Variants in AHRR observed in about 807,000 individuals in gnomAD.
AHRR encodes the protein ahR repressor.
A neutral mutation model predicts 44.0 loss-of-function variants in AHRR; 28 were observed. That is an observed-to-expected ratio of 0.64 (90% confidence interval 0.47 to 0.87). The LOEUF is 0.87. Among genes scored for constraint, AHRR ranks in the 40% least tolerant of loss-of-function variants. The pLI is 0.00. For missense variants in AHRR, 990 were observed against 953.9 expected, an observed-to-expected ratio of 1.04 and a Z score of -0.50; for synonymous variants, 434 against 407.0, an observed-to-expected ratio of 1.07 and a Z score of -0.80.
chr5:430,978 G>A (rs1386723853), intron 8 of AHRR, among the ~76,000 whole-genome samples: 1 of 152,220 alleles, frequency 6.6e-6, no homozygotes, highest in Admixed American at 6.5e-5. Context: ...GTCTCTGCAG[G>A]GCTCGGGCCC....
At chr5:351,840 C>T (rs1044072351) in intron 2 of AHRR, among the ~76,000 whole-genome samples, 4 of 152,218 alleles carry the variant, frequency 2.6e-5, no homozygotes, top group South Asian at 2.1e-4. Flanking sequence ...GAGTTTGTGC[C>T]GCAGAGTTCC....
chr5:403,359 G>A (rs1030196477), intron 4 of AHRR, among the ~76,000 whole-genome samples: 6 of 152,144 alleles, frequency 3.9e-5, no homozygotes, highest in East Asian at 1.9e-4. Flanking sequence ...CACTTAGGTC[G>A]GGTGCAGTGG....
chr5:325,266 G>T (rs939054836), intron 1 of AHRR, among the ~76,000 whole-genome samples: 1 of 152,196 alleles, frequency 6.6e-6, no homozygotes, highest in Non-Finnish European at 1.5e-5. Flanking sequence ...TGGTGCCTGG[G>T]CTCAGGGTCT....
intron 3 of AHRR, 59 bp from the exon 4 acceptor site, chr5:376,551 A>C: frequency 7.1e-7 from 1 of 1,401,306 alleles, no homozygotes; most frequent in Non-Finnish European, 9.6e-7. Context: ...GATGTGAATG[A>C]AGAAGAGTGG....
chr5:326,497 A>C lies in AHRR; in HGVS notation c.-11+4678A>C, dbSNP rs1291856276. 6.6e-6 allele frequency among the ~76,000 whole-genome samples: 1 copy of C among 152,198 alleles called. No homozygotes were observed. Among genetic ancestry groups the C allele is most frequent in the Non-Finnish European group, 1.5e-5 (1 of 68,042 alleles). On this transcript the variant is annotated intron_variant, in intron 1 of 10. Transcript: ENST00000684583. The surrounding 1 kb of genome is among the most constrained non-coding windows in gnomAD (Gnocchi z 4.1). ...TGTTTACTGATCCCTCAGCTGATGG[A>C]CATTTAGGTTGTTTACATTTTTTGG...
At chr5:415,406 CGGGTGGG>C (rs1735704929) in intron 5 of AHRR, among the ~76,000 whole-genome samples, 1 of 73,760 alleles carries the variant, frequency 1.4e-5, no homozygotes, top group Non-Finnish European at 3.0e-5. Context: ...TCTGCCTGGT[CGGGTGGG>C]AGGCCTAGGG....
rs759251139 is a variant in AHRR, at chr5:434,170, A to C, written c.1430A>C (p.His477Pro). The change falls in exon 11 of 11, where the codon CAC becomes CCC. Residue 477 changes from histidine to proline, a missense_variant. By Grantham distance (77) the His-to-Pro change is moderately conservative. Coordinates refer to ENST00000684583, the MANE Select transcript of AHRR (RefSeq NM_001377236.1). Reference protein sequence around the residue: ...PMRDVGEDQVHPPLCHFPQRS... With the variant: ...PMRDVGEDQVPPPLCHFPQRS... ...CGGGATGTCGGTGAGGACCAGGTGC[A>C]CCCTCCCCTCTGCCACTTTCCCCAG... The C allele has an allele frequency of 6.3e-7, 1 of 1,599,220 alleles. No homozygotes were observed. Among genetic ancestry groups the C allele is most frequent in the East Asian group, 2.2e-5 (1 of 44,748 alleles).
intron 3 of AHRR, among the ~76,000 whole-genome samples, chr5:368,484 C>T (rs890119273): frequency 2.6e-5 from 4 of 152,246 alleles, no homozygotes; most frequent in African/African-American, 9.6e-5. Context: ...CTTGGCTTGT[C>T]CCTGCTGTGC....
Position 432,457 on chromosome 5 carries a change from T to G in AHRR, c.909-6T>G. 6.2e-7 allele frequency: 1 copy of G among 1,613,816 alleles called. No homozygotes were observed. Among genetic ancestry groups the G allele is most frequent in the Admixed American group, 1.7e-5 (1 of 60,032 alleles). ...CATGTCACATGTTCATCTGTGTTCT[T>G]CACAGAGTAAAAGCCACCACCAGTC... On this transcript the variant is annotated splice_polypyrimidine_tract_variant and splice_region_variant and intron_variant, in intron 8 of 10. Coordinates refer to ENST00000684583, the MANE Select transcript of AHRR (RefSeq NM_001377236.1).
At chr5:394,776 C>T (rs575746952) in intron 4 of AHRR, among the ~76,000 whole-genome samples, 39 of 152,290 alleles carry the variant, frequency 2.6e-4, no homozygotes, top group African/African-American at 7.9e-4. Context: ...GCCCTGGTTG[C>T]GTGGAGGGCA....
chr5:433,924 G>T lies in AHRR; in HGVS notation c.1184G>T (p.Gly395Val). 1 of 1,535,664 alleles carries T rather than the reference G, an allele frequency of 6.5e-7. No homozygotes were observed. Among genetic ancestry groups the T allele is most frequent in the African/African-American group, 1.4e-5 (1 of 72,580 alleles). Residue 395 changes from glycine (G) to valine (V), a missense_variant, in exon 11 of 11, where the codon GGA becomes GTA. Coordinates refer to ENST00000684583, the MANE Select transcript of AHRR (RefSeq NM_001377236.1). ...SGVTGRRETP[G>V]PTKPLPWTAG... ...GTGACAGGGCGGAGGGAGACTCCAG[G>T]ACCCACAAAGCCCCTGCCCTGGACA...
chr5:359,628 T>G (rs1743102945), intron 3 of AHRR, among the ~76,000 whole-genome samples: 3 of 152,194 alleles, frequency 2.0e-5, no homozygotes, highest in Non-Finnish European at 4.4e-5. Context: ...CTCCCTTCAC[T>G]CATCACCCGC....
At chr5:384,710 C>T (rs998619996) in intron 4 of AHRR, among the ~76,000 whole-genome samples, 7 of 152,112 alleles carry the variant, frequency 4.6e-5, no homozygotes, top group East Asian at 1.9e-4. Flanking sequence ...CCACCGCACC[C>T]GGCCCAGACA....
At chr5:343,999 T>TG (rs1742467985) in intron 2 of AHRR, 35 bp downstream of exon 2, 1 of 1,580,926 alleles carries the variant, frequency 6.3e-7, no homozygotes, top group African/African-American at 1.4e-5. Flanking sequence ...TGTGGGTTGT[T>TG]GCACCCATGG....
intron 4 of AHRR, among the ~76,000 whole-genome samples, chr5:403,529 G>C (rs569824377): frequency 5.3e-5 from 8 of 151,738 alleles, no homozygotes; most frequent in African/African-American, 1.9e-4. Context: ...CCAGCTACTC[G>C]GGAGGCTGCA....
At chr5:398,312 C>T (rs915878536) in intron 4 of AHRR, among the ~76,000 whole-genome samples, 4 of 152,064 alleles carry the variant, frequency 2.6e-5, no homozygotes, top group Admixed American at 6.6e-5. Context: ...TGACCTTCCG[C>T]GTTAGCCCCG....
At position 398,100 on chromosome 5, in the gene AHRR, CGT is replaced by C. The variant is rs1560907530; in HGVS notation, c.352-15243_352-15242del. ...CATCCACGTAGCCCCTGACCATCCA[CGT>C]AGCTCCTGACCATCCACGTAGCTCC... On this transcript the variant is annotated intron_variant, in intron 4 of 10. Coordinates refer to ENST00000684583, the MANE Select transcript of AHRR (RefSeq NM_001377236.1). Among the ~76,000 whole-genome samples, 262 of 136,064 alleles carry C rather than the reference CGT, an allele frequency of 1.9e-3. 1 individual carries two copies. Among genetic ancestry groups the C allele is most frequent in the Admixed American group, 3.3e-3 (46 of 13,896 alleles). 89.3% of individuals were successfully genotyped at this position (136,064 alleles called of 152,430 possible). A position where few individuals can be genotyped will look rare whatever the true frequency, so the allele number is the denominator to read the frequency against.
chr5:333,212 T>C (rs1038166617), intron 1 of AHRR, among the ~76,000 whole-genome samples: 2 of 152,208 alleles, frequency 1.3e-5, no homozygotes, highest in African/African-American at 4.8e-5. Context: ...CCAGCCTATG[T>C]GTGCCTTTAG....
chr5:427,874 T>C lies in AHRR; in HGVS notation c.776T>C (p.Met259Thr). 1 of 1,614,078 alleles carries C rather than the reference T, an allele frequency of 6.2e-7. No individual in the cohort carries two copies. Among genetic ancestry groups the C allele is most frequent in the Non-Finnish European group, 8.5e-7 (1 of 1,180,014 alleles). The change falls in exon 8 of 11, where the codon ATG becomes ACG. Residue 259 changes from methionine (M) to threonine (T), a missense_variant. Met to Thr is a moderately conservative substitution (Grantham distance 81, BLOSUM62 -1). Coordinates refer to ENST00000684583, the MANE Select transcript of AHRR (RefSeq NM_001377236.1). Reference protein sequence around the residue: ...GQKKKAPSGAMLPPRLSLFCI... With the variant: ...GQKKKAPSGATLPPRLSLFCI... The stretch of plus-strand genomic sequence containing the variant: ...AAGAAGAAGGCGCCGTCAGGAGCCA[T>C]GCTCCCGCCGCGGCTGTCGCTGTTC...
Sources: allele counts gnomAD v4.1 joint callset (sites outside exome capture counted in the v4.1 genomes callset), GRCh38; gene constraint gnomAD v4.1.1; non-coding constraint Gnocchi (gnomAD v3.1); transcripts MANE v1.5; gene names NCBI Gene and HGNC (gene_info 2026-07-23, HGNC 2026-07-21).